The following CCDC60 variants were observed in gnomAD, a reference collection of about 807,000 sequenced individuals.
CCDC60 encodes the protein coiled-coil domain-containing protein 60.
Under a neutral mutation model 63.5 loss-of-function variants are expected in CCDC60, and 54 were observed. That is an observed-to-expected ratio of 0.85 (90% CI 0.68 to 1.07). CCDC60 has a LOEUF of 1.07. CCDC60 is among the 50% of genes least tolerant of loss of function. CCDC60 has a pLI of 0.00. For synonymous variants in CCDC60, 206 were observed against 238.8 expected, an observed-to-expected ratio of 0.86 and a Z score of 1.27; for missense variants, 651 against 684.3, an observed-to-expected ratio of 0.95 and a Z score of 0.54.
chr12:119,480,094 T>G (rs1265761658), intron 4 of CCDC60, among the ~76,000 whole-genome samples: 5 of 151,586 alleles, frequency 3.3e-5, no homozygotes, highest in African/African-American at 9.7e-5. Flanking sequence ...TTTAGAGCTG[T>G]GATACAATGA....
intron 1 of CCDC60, among the ~76,000 whole-genome samples, chr12:119,401,119 A>G (rs982955511): frequency 1.3e-5 from 2 of 152,210 alleles, no homozygotes; most frequent in South Asian, 2.1e-4. Context: ...GACATTATCA[A>G]CATTCTCAGA....
At chr12:119,511,588 C>T (rs1331638956) in intron 7 of CCDC60, among the ~76,000 whole-genome samples, 1 of 152,236 alleles carries the variant, frequency 6.6e-6, no homozygotes, top group East Asian at 1.9e-4. Flanking sequence ...TATTCCCCCT[C>T]CCCAAAAAGA....
chr12:119,383,669 G>A (rs1956031665), intron 1 of CCDC60, among the ~76,000 whole-genome samples: 1 of 152,242 alleles, frequency 6.6e-6, no homozygotes, highest in Non-Finnish European at 1.5e-5. Flanking sequence ...ACAGCAAGTA[G>A]CTGAGCTGTC....
intron 2 of CCDC60, among the ~76,000 whole-genome samples, chr12:119,462,863 G>T (rs187741673): frequency 1.5e-4 from 22 of 150,208 alleles, no homozygotes; most frequent in African/African-American, 5.2e-4. Context: ...TTGCTCTCTC[G>T]CCCAGGCTGT....
chr12:119,342,817 A>C (rs1294166074), intron 1 of CCDC60, among the ~76,000 whole-genome samples: 1 of 152,248 alleles, frequency 6.6e-6, no homozygotes, highest in East Asian at 1.9e-4. Context: ...GCATGGATCT[A>C]AACAAATGGA....
At chr12:119,492,294 G>A (rs1951608065) in intron 5 of CCDC60, among the ~76,000 whole-genome samples, 1 of 152,142 alleles carries the variant, frequency 6.6e-6, no homozygotes, top group African/African-American at 2.4e-5. Flanking sequence ...TTTCCACGGT[G>A]TAAATACTCC....
intron 9 of CCDC60, among the ~76,000 whole-genome samples, chr12:119,522,409 G>A (rs1375143320): frequency 2.0e-5 from 3 of 152,190 alleles, no homozygotes; most frequent in African/African-American, 4.8e-5. Context: ...GAGTTGATGG[G>A]TCACAGATGA....
rs76486425 is a variant in CCDC60, at chr12:119,428,484, T to C, written c.91-199T>C. Among the ~76,000 whole-genome samples, 1,374 of 152,232 alleles carry C rather than the reference T, an allele frequency of 9.0e-3. 22 individuals are homozygous for C. Among genetic ancestry groups the C allele is most frequent in the African/African-American group, 0.031 (1,288 of 41,528 alleles). ...GAACCAGGGTCAGGGCTCAGGTCCA[T>C]CTGTCTCCAAAACCCTTACCATGTC... On this transcript the variant is annotated intron_variant, in intron 1 of 13. Transcript: ENST00000327554.
chr12:119,370,930 G>C (rs578195782), intron 1 of CCDC60, among the ~76,000 whole-genome samples: 1 of 152,234 alleles, frequency 6.6e-6, no homozygotes, highest in Admixed American at 6.5e-5. Context: ...CACTTAAGAG[G>C]CTGAGGTGAG....
At chr12:119,494,665 C>T (rs117427650) in intron 5 of CCDC60, among the ~76,000 whole-genome samples, 7 of 152,170 alleles carry the variant, frequency 4.6e-5, no homozygotes, top group African/African-American at 1.7e-4. Flanking sequence ...GGCAACCAAC[C>T]ACACTTTGAG....
chr12:119,361,002 G>A (rs984836841), intron 1 of CCDC60, among the ~76,000 whole-genome samples: 2 of 151,924 alleles, frequency 1.3e-5, no homozygotes, highest in Non-Finnish European at 2.9e-5. Context: ...CAGGCGTGGC[G>A]GCGTGCGCCT....
At chr12:119,401,238 C>T (rs1956386552) in intron 1 of CCDC60, among the ~76,000 whole-genome samples, 1 of 152,188 alleles carries the variant, frequency 6.6e-6, no homozygotes, top group East Asian at 1.9e-4. Flanking sequence ...GAGGTTTTCT[C>T]TTCCAATACC....
At chr12:119,429,383 C>G (rs1956956844) in intron 2 of CCDC60, among the ~76,000 whole-genome samples, 1 of 152,030 alleles carries the variant, frequency 6.6e-6, no homozygotes. Flanking sequence ...TTTTCCCTTA[C>G]CCCTTAACTG....
intron 1 of CCDC60, among the ~76,000 whole-genome samples, chr12:119,424,293 G>C (rs893692116): frequency 3.9e-5 from 6 of 152,128 alleles, no homozygotes; most frequent in African/African-American, 1.4e-4. Context: ...ATTTTCATCT[G>C]AAATTACATT....
intron 1 of CCDC60, among the ~76,000 whole-genome samples, chr12:119,338,731 A>C (rs1398341953): frequency 6.6e-6 from 1 of 152,326 alleles, no homozygotes; most frequent in Non-Finnish European, 1.5e-5. Flanking sequence ...CTAAAAGTAG[A>C]ATCACAAAAT....
intron 1 of CCDC60, among the ~76,000 whole-genome samples, chr12:119,365,226 T>G (rs1048030366): frequency 1.1e-4 from 16 of 152,134 alleles, no homozygotes; most frequent in Admixed American, 4.6e-4. Flanking sequence ...CTCCCTGTCC[T>G]GAGACGAGCC....
At chr12:119,521,104 A>G (rs1593210572) in intron 9 of CCDC60, among the ~76,000 whole-genome samples, 2 of 152,220 alleles carry the variant, frequency 1.3e-5, no homozygotes, top group South Asian at 2.1e-4. Context: ...CTATATTACA[A>G]TCAAATTTGG....
intron 2 of CCDC60, among the ~76,000 whole-genome samples, chr12:119,432,852 C>T (rs1950255342): frequency 6.6e-6 from 1 of 152,126 alleles, no homozygotes; most frequent in Non-Finnish European, 1.5e-5. Flanking sequence ...CATGAATTTA[C>T]AATTAAGTAC....
chr12:119,421,960 A>G (rs1348631713), intron 1 of CCDC60, among the ~76,000 whole-genome samples: 2 of 152,160 alleles, frequency 1.3e-5, no homozygotes, highest in Non-Finnish European at 2.9e-5. Flanking sequence ...CTGTTAGTCC[A>G]TGCGTGCTCC....
Sources: gnomAD v4.1 joint callset for allele counts (sites outside exome capture counted in the v4.1 genomes callset) on GRCh38, gnomAD v4.1.1 for gene constraint, MANE v1.5 for transcripts, NCBI Gene and HGNC (gene_info 2026-07-23, HGNC 2026-07-21) for gene names.